Variants in GNAQ observed in about 807,000 individuals in gnomAD.
The protein encoded by GNAQ is G protein subunit alpha q, also known as guanine nucleotide-binding protein G(q) subunit alpha.
A neutral mutation model predicts 43.9 loss-of-function variants in GNAQ; 8 were observed. The observed-to-expected ratio is 0.18, with a 90% CI of 0.11 to 0.33. The LOEUF (loss-of-function observed/expected upper bound fraction) is 0.33. GNAQ is among the 10% of genes least tolerant of loss of function. The pLI is 1.00. For missense variants in GNAQ, 158 were observed against 450.8 expected (o/e 0.35, Z 5.88); for synonymous variants, 155 against 170.7 (o/e 0.91, Z 0.71).
At chr9:77,777,789 T>C (rs754538362) in intron 5 of GNAQ, among the ~76,000 whole-genome samples, 764 of 152,118 alleles carry the variant, frequency 5.0e-3, no homozygotes, top group Non-Finnish European at 8.3e-3. Flanking sequence ...ACCACTAGGA[T>C]GGCTAAAATA....
intron 2 of GNAQ, among the ~76,000 whole-genome samples, chr9:77,920,948 T>C (rs1284203247): frequency 6.6e-6 from 1 of 152,244 alleles, no homozygotes; most frequent in Non-Finnish European, 1.5e-5. Flanking sequence ...AGCAGTGGGT[T>C]CACTTTGTGA....
At chr9:77,781,017 C>G (rs1826385909) in intron 5 of GNAQ, among the ~76,000 whole-genome samples, 1 of 150,964 alleles carries the variant, frequency 6.6e-6, no homozygotes, top group Middle Eastern at 3.2e-3. Context: ...ATATATTAAC[C>G]CCCTGTTGGA....
chr9:77,760,069 A>ATT (rs34603696), intron 5 of GNAQ, among the ~76,000 whole-genome samples: 114 of 145,922 alleles, frequency 7.8e-4, no homozygotes, highest in East Asian at 2.6e-3. Flanking sequence ...CCTTTTTCTA[A>ATT]TTTTTTTTTT....
intron 2 of GNAQ, among the ~76,000 whole-genome samples, chr9:77,863,220 G>GGA (rs1564133751): frequency 0.015 from 509 of 34,322 alleles, 4 homozygotes; most frequent in East Asian, 0.051. Flanking sequence ...GGAAGGAAGG[G>GGA]AGGAAGGAAG....
intron 3 of GNAQ, among the ~76,000 whole-genome samples, chr9:77,811,622 A>C (rs1826927144): frequency 6.6e-6 from 1 of 152,216 alleles, no homozygotes; most frequent in Admixed American, 6.5e-5. Flanking sequence ...TGTGGAACAC[A>C]GCAGCAAATG....
chr9:77,763,111 A>C (rs1052672377), intron 5 of GNAQ, among the ~76,000 whole-genome samples: 2 of 141,564 alleles, frequency 1.4e-5, no homozygotes, highest in Non-Finnish European at 1.5e-5. Context: ...TAAAATTAAA[A>C]AAAAACAAAA....
intron 2 of GNAQ, among the ~76,000 whole-genome samples, chr9:77,902,803 C>T (rs531038520): frequency 6.6e-6 from 1 of 152,306 alleles, no homozygotes; most frequent in African/African-American, 2.4e-5. Flanking sequence ...GAGTGTGCAA[C>T]TGCTTCCCAA....
At chr9:77,866,199 C>A (rs183567451) in intron 2 of GNAQ, among the ~76,000 whole-genome samples, 1 of 152,074 alleles carries the variant, frequency 6.6e-6, no homozygotes, top group East Asian at 1.9e-4. Context: ...AAATTTAGGC[C>A]GGGTGTGGTG....
chr9:77,729,742 G>A (rs1825458214), intron 5 of GNAQ, among the ~76,000 whole-genome samples: 1 of 152,166 alleles, frequency 6.6e-6, no homozygotes, highest in Admixed American at 6.5e-5. Context: ...TTATGACTGG[G>A]TTTGTGGCAA....
intron 2 of GNAQ, among the ~76,000 whole-genome samples, chr9:77,844,179 C>T (rs1827541949): frequency 6.6e-6 from 1 of 152,106 alleles, no homozygotes. Flanking sequence ...TTGTGGTGCA[C>T]TAATTGGTCC....
chr9:77,766,586 A>G (rs1826140698), intron 5 of GNAQ, among the ~76,000 whole-genome samples: 1 of 151,570 alleles, frequency 6.6e-6, no homozygotes, highest in African/African-American at 2.4e-5. Flanking sequence ...TTAAGTGAAG[A>G]TGTTTGCTGT....
rs565668253 is a variant in GNAQ, at chr9:77,953,848, C to T, written c.137-31503G>A. On this transcript the variant is annotated intron_variant, in intron 1 of 6. Transcript: ENST00000286548. ...GTTACAAAGAACTCTGCACAGGTGA[C>T]TGACCCAGCCTTCTGCCTGCTGCCA... 8.9e-4 allele frequency among the ~76,000 whole-genome samples: 135 copies of T among 152,308 alleles called. 1 individual carries two copies. Among genetic ancestry groups the T allele is most frequent in the Non-Finnish European group, 1.6e-3 (106 of 68,026 alleles).
intron 1 of GNAQ, among the ~76,000 whole-genome samples, chr9:77,946,788 T>C (rs1822908312): frequency 6.6e-6 from 1 of 152,220 alleles, no homozygotes; most frequent in South Asian, 2.1e-4. Context: ...ATTCAGGTAC[T>C]ACCACTAGCT....
chr9:77,876,316 C>T (rs921357573), intron 2 of GNAQ, among the ~76,000 whole-genome samples: 2 of 152,290 alleles, frequency 1.3e-5, no homozygotes, highest in Admixed American at 6.5e-5. Flanking sequence ...GAGAATGAGG[C>T]CTTGTCAGCC....
chr9:77,919,373 C>T (rs1828962351), intron 2 of GNAQ, among the ~76,000 whole-genome samples: 1 of 152,142 alleles, frequency 6.6e-6, no homozygotes, highest in South Asian at 2.1e-4. Context: ...ATAAGATCAA[C>T]ATCCAAGTCA....
At chr9:77,909,807 T>C (rs982272305) in intron 2 of GNAQ, among the ~76,000 whole-genome samples, 8 of 152,210 alleles carry the variant, frequency 5.3e-5, no homozygotes, top group African/African-American at 1.7e-4. Context: ...GGTAAAAGTA[T>C]ACATTTATAC....
At position 77,887,029 on chromosome 9, in the gene GNAQ, G is replaced by A. The variant is rs1828319206; in HGVS notation, c.321+35132C>T. Among the ~76,000 whole-genome samples, 4 of 152,246 alleles carry A rather than the reference G, an allele frequency of 2.6e-5. No individual in the cohort carries two copies. The South Asian group carries it at 8.3e-4, about 32-fold the overall frequency. On this transcript the variant is annotated intron_variant, in intron 2 of 6. Coordinates refer to ENST00000286548, the MANE Select transcript of GNAQ (RefSeq NM_002072.5). ...CCCAGTTACTTTGGAGGCTAAGGCAGGAGAATCTCTTGAACCTGGGAGGTG... is the reference window on the plus strand; with the variant it reads ...CCCAGTTACTTTGGAGGCTAAGGCAAGAGAATCTCTTGAACCTGGGAGGTG...
At chr9:77,968,139 A>T (rs923818122) in intron 1 of GNAQ, among the ~76,000 whole-genome samples, 4 of 152,224 alleles carry the variant, frequency 2.6e-5, no homozygotes, top group African/African-American at 9.6e-5. Flanking sequence ...ATTCAGTGAT[A>T]AGTATACTTA....
chr9:77,866,554 A>G (rs1487404931), intron 2 of GNAQ, among the ~76,000 whole-genome samples: 1 of 152,270 alleles, frequency 6.6e-6, no homozygotes, highest in Non-Finnish European at 1.5e-5. Flanking sequence ...TGAGTAAATT[A>G]CCAAATTATC....
Sources: gnomAD v4.1 joint callset for allele counts (sites outside exome capture counted in the v4.1 genomes callset) on GRCh38, gnomAD v4.1.1 for gene constraint, MANE v1.5 for transcripts, NCBI Gene and HGNC (gene_info 2026-07-23, HGNC 2026-07-21) for gene names.